The following GLIS2 variants were observed in gnomAD, a reference collection of about 807,000 sequenced individuals.
GLIS2 encodes GLIS family zinc finger 2.
A neutral mutation model predicts 35.6 loss-of-function variants in GLIS2; 14 were observed. The observed-to-expected ratio is 0.39, with a 90% CI of 0.26 to 0.61. The LOEUF (loss-of-function observed/expected upper bound fraction) is 0.61, where lower values mean the gene tolerates loss of function less well. Among genes scored for constraint, GLIS2 ranks in the 20% least tolerant of loss-of-function variants. GLIS2 has a pLI of 0.48. For missense variants in GLIS2, 675 were observed against 713.4 expected, an observed-to-expected ratio of 0.95 and a Z score of 0.61; for synonymous variants, 368 against 325.1, an observed-to-expected ratio of 1.13 and a Z score of -1.42.
chr16:4,316,584 G>A (rs2053315499), intron 1 of GLIS2, among the ~76,000 whole-genome samples: 1 of 151,896 alleles, frequency 6.6e-6, no homozygotes, highest in Admixed American at 6.5e-5. Flanking sequence ...GCCGCGGTGG[G>A]GGGCGTGCGG....
At position 4,333,378 on chromosome 16, in the gene GLIS2, G is replaced by T. The variant is rs753381434; in HGVS notation, c.204G>T (p.Lys68Asn). 1 of 1,613,070 alleles carries T rather than the reference G, an allele frequency of 6.2e-7. No individual in the cohort carries two copies. The highest frequency in any genetic ancestry group is 1.7e-5 in the Admixed American group (1 of 60,014). The change falls in exon 3 of 7, where the codon AAG (lysine) becomes AAT (asparagine). Residue 68 changes from lysine (K) to asparagine (N), a missense_variant. Around this residue, in one of 3 missense-constraint regions of GLIS2, gnomAD observed 225 missense variants for 238.7 expected, o/e 0.94. Transcript: ENST00000433375. Reference sequence around the variant, plus strand: ...TGCTGAACTCCAAGTTCCCCGAGAAGGTGGAGGGACGCTTTTCAGCAGCCC... The same window carrying T: ...TGCTGAACTCCAAGTTCCCCGAGAATGTGGAGGGACGCTTTTCAGCAGCCC... ...GFLLNSKFPEKVEGRFSAAPL... is the reference protein window; with the variant it reads ...GFLLNSKFPENVEGRFSAAPL...
rs1413931066 is a variant in GLIS2 at position 4,336,711 on chromosome 16, G to C, written c.776-14G>C. 6.3e-7 allele frequency: 1 copy of C among 1,584,774 alleles called. No individual in the cohort carries two copies. The highest frequency in any genetic ancestry group is 1.3e-5 in the African/African-American group (1 of 74,286). ...AGACCCCTCATGGCGGCACTGCACT[G>C]CACCACCCTGCAGGTGAGAAGCCCT... On this transcript the variant is annotated splice_polypyrimidine_tract_variant and intron_variant, in intron 6 of 6. Transcript: ENST00000433375.
Position 4,332,261 on chromosome 16 carries a change from C to G in GLIS2, c.-20C>G. 6.2e-7 allele frequency: 1 copy of G among 1,610,062 alleles called. No individual in the cohort carries two copies. Among genetic ancestry groups the G allele is most frequent in the Non-Finnish European group, 8.5e-7 (1 of 1,178,942 alleles). On this transcript the variant is annotated 5_prime_UTR_variant, in exon 2 of 7. Transcript: ENST00000433375. The surrounding 1 kb of genome is among the most constrained non-coding windows in gnomAD (Gnocchi z 5.4). Reference sequence around the variant, plus strand: ...GGGAGCCCACTGCCTGCTGCCACCTCCAACTCCGGCCCCCTCACCATGCAC... The same window carrying G: ...GGGAGCCCACTGCCTGCTGCCACCTGCAACTCCGGCCCCCTCACCATGCAC...
chr16:4,321,806 T>C (rs1455804688), intron 1 of GLIS2, among the ~76,000 whole-genome samples: 2 of 152,112 alleles, frequency 1.3e-5, no homozygotes, highest in Non-Finnish European at 2.9e-5. Flanking sequence ...AGGCTCTGGA[T>C]ACCAGGGCCA....
At chr16:4,326,125 G>C (rs1303928517) in intron 1 of GLIS2, among the ~76,000 whole-genome samples, 2 of 151,898 alleles carry the variant, frequency 1.3e-5, no homozygotes, top group African/African-American at 4.8e-5. Flanking sequence ...GGCGCCTGTA[G>C]TCCCAGCAAC....
In GLIS2 at chr16:4,333,487, A is replaced by C. The variant is rs2053519041; in HGVS notation, c.313A>C (p.Asn105His). 1.2e-6 allele frequency: 2 copies of C among 1,611,946 alleles called. No individual in the cohort carries two copies. The highest frequency in any genetic ancestry group is 1.7e-6 in the Non-Finnish European group (2 of 1,179,498). Residue 105 changes from asparagine to histidine, a missense_variant, in exon 3 of 7, where the codon AAC (asparagine) becomes CAC (histidine). Asn to His is a moderately conservative substitution (Grantham distance 68, BLOSUM62 1). Coordinates refer to ENST00000433375, the MANE Select transcript of GLIS2 (RefSeq NM_032575.3). ...SSSLSPERQG[N>H]GDLPPVPSAS... ...CTCGCTGTCCCCCGAGCGCCAGGGC[A>C]ACGGGGACCTGCCTCCAGTGCCCAG...
chr16:4,337,635 C>T lies in GLIS2; in HGVS notation c.*111C>T. On this transcript the variant is annotated 3_prime_UTR_variant, in exon 7 of 7. Coordinates refer to ENST00000433375, the MANE Select transcript of GLIS2 (RefSeq NM_032575.3). ...TAATGTCCTACTGCCCGGGCAGCCC[C>T]AGCCCAGCCCGCCGGGAGCAAGGAT... The T allele has an allele frequency of 6.8e-7, 1 of 1,461,816 alleles. No homozygotes were observed. The highest frequency in any genetic ancestry group is 9.2e-7 in the Non-Finnish European group (1 of 1,081,794). The allele number at this position is 1,461,816 out of a possible 1,614,324, so 90.6% of individuals were successfully genotyped here.
rs1323369336 is a variant in GLIS2 at position 4,320,340 on chromosome 16, G to T, written c.-67+4086G>T. Among the ~76,000 whole-genome samples, 1 of 152,112 alleles carries T rather than the reference G, an allele frequency of 6.6e-6. No individual in the cohort carries two copies. The highest frequency in any genetic ancestry group is 2.4e-5 in the African/African-American group (1 of 41,402). The stretch of plus-strand genomic sequence containing the variant: ...AACAGTCCTGCCCGTCACATGGAGG[G>T]TCCCCACCGCTGGCACAGCACGCTC... On this transcript the variant is annotated intron_variant, in intron 1 of 6. Coordinates refer to ENST00000433375, the MANE Select transcript of GLIS2 (RefSeq NM_032575.3). This position sits in a 1 kb window ranked among gnomAD's most constrained non-coding sequence, Gnocchi z 5.6.
Position 4,339,555 on chromosome 16 carries a change from G to A in GLIS2, c.*2031G>A, listed in dbSNP as rs1256359988. 1 of 152,440 alleles carries A rather than the reference G, an allele frequency of 6.6e-6. No homozygotes were observed. The highest frequency in any genetic ancestry group is 6.5e-5 in the Admixed American group (1 of 15,270). The allele number at this position is 152,440 out of a possible 1,614,324, so 9.4% of individuals were successfully genotyped here. On this transcript the variant is annotated 3_prime_UTR_variant, in exon 7 of 7. Coordinates refer to ENST00000433375, the MANE Select transcript of GLIS2 (RefSeq NM_032575.3). ...TATAACAATATATTCCTCCATGGGA[G>A]AGGAAGTTTATAAAGAAACAATAAA... is the stretch of plus-strand genomic sequence containing the variant.
chr16:4,333,307 T>G (rs2053516666), intron 2 of GLIS2, 40 bp from the exon 3 acceptor site: 2 of 1,610,886 alleles, frequency 1.2e-6, no homozygotes, highest in East Asian at 4.5e-5. Context: ...CCACTGGGAC[T>G]CTACACTCCA....
chr16:4,319,871 C>T (rs2053358770), intron 1 of GLIS2, among the ~76,000 whole-genome samples: 1 of 152,152 alleles, frequency 6.6e-6, no homozygotes, highest in African/African-American at 2.4e-5. Context: ...TCGCCTTCCA[C>T]TCCCCCACTC....
chr16:4,337,886 C>T lies in GLIS2; in HGVS notation c.*362C>T, dbSNP rs1443069637. On this transcript the variant is annotated 3_prime_UTR_variant, in exon 7 of 7. Coordinates refer to ENST00000433375, the MANE Select transcript of GLIS2 (RefSeq NM_032575.3). ...CCACCCATGGCAAGTTGCCCTCTCC[C>T]AGCAGAGGGGGTGGGTGGGGTGGCA... 1.0e-5 allele frequency: 4 copies of T among 396,716 alleles called. No homozygotes were observed. The highest frequency in any genetic ancestry group is 2.1e-5 in the African/African-American group (1 of 48,714). The allele number at this position is 396,716 out of a possible 1,614,324, so 24.6% of individuals were successfully genotyped here.
At chr16:4,321,469 C>T (rs2053378958) in intron 1 of GLIS2, among the ~76,000 whole-genome samples, 1 of 152,328 alleles carries the variant, frequency 6.6e-6, no homozygotes, top group East Asian at 1.9e-4. Context: ...CGGACTCATT[C>T]GCGGAGTGCC....
chr16:4,326,994 C>T (rs2053438212), intron 1 of GLIS2, among the ~76,000 whole-genome samples: 6 of 152,174 alleles, frequency 3.9e-5, no homozygotes. Flanking sequence ...CTCCTGACCT[C>T]AGGTGGTCCG....
upstream of GLIS2, among the ~76,000 whole-genome samples, chr16:4,316,048 C>G (rs1307996617): frequency 2.1e-5 from 3 of 143,756 alleles, no homozygotes; most frequent in Non-Finnish European, 4.6e-5. Flanking sequence ...CATCCCCGCA[C>G]GGCCCGGCCG....
At chr16:4,329,749 C>T (rs762454442) in intron 1 of GLIS2, among the ~76,000 whole-genome samples, 1 of 152,316 alleles carries the variant, frequency 6.6e-6, no homozygotes. Context: ...CCACCATGGC[C>T]GCCCTTTGGT....
chr16:4,333,390 C>T lies in GLIS2; in HGVS notation c.216C>T (p.Arg72=). 1.2e-6 allele frequency: 2 copies of T among 1,613,088 alleles called. No individual in the cohort carries two copies. Among genetic ancestry groups the T allele is most frequent in the East Asian group, 4.5e-5 (2 of 44,872 alleles). ...AGTTCCCCGAGAAGGTGGAGGGACGCTTTTCAGCAGCCCCTCTCGTGGACC... is the reference window on the plus strand; with the variant it reads ...AGTTCCCCGAGAAGGTGGAGGGACGTTTTTCAGCAGCCCCTCTCGTGGACC... ...NSKFPEKVEG[R]FSAAPLVDLS... is the part of the protein sequence containing the mutation. Residue 72 remains arginine, a synonymous_variant, in exon 3 of 7, where the codon CGC becomes CGT. Transcript: ENST00000433375.
chr16:4,336,863 C>T lies in GLIS2; in HGVS notation c.914C>T (p.Thr305Met). 6.2e-7 allele frequency: 1 copy of T among 1,613,430 alleles called. No individual in the cohort carries two copies. The highest frequency in any genetic ancestry group is 8.5e-7 in the Non-Finnish European group (1 of 1,180,030). ...ATGCCCGGCTGCCACAAGCGCTACA[C>T]GGACCCCAGCTCACTGCGCAAGCAC... ...CKMPGCHKRY[T>M]DPSSLRKHIK... is the part of the protein sequence containing the mutation. The change falls in exon 7 of 7, where the codon ACG (threonine) becomes ATG (methionine). Residue 305 changes from threonine to methionine, a missense_variant. Around this residue, in one of 3 missense-constraint regions of GLIS2, gnomAD observed 133 missense variants for 191.4 expected, o/e 0.69. Transcript: ENST00000433375.
At chr16:4,317,981 G>C (rs916672583) in intron 1 of GLIS2, among the ~76,000 whole-genome samples, 6 of 152,140 alleles carry the variant, frequency 3.9e-5, no homozygotes, top group Non-Finnish European at 8.8e-5. Context: ...TTCGGCCCCT[G>C]AGTGACCCTG....
Sources: gnomAD v4.1 joint callset for allele counts (sites outside exome capture counted in the v4.1 genomes callset) on GRCh38, gnomAD v4.1.1 for gene constraint, gnomAD v4.1.1 regional missense constraint, Gnocchi (gnomAD v3.1) non-coding constraint, MANE v1.5 for transcripts, NCBI Gene and HGNC (gene_info 2026-07-23, HGNC 2026-07-21) for gene names.